The following PID1 variants were observed in gnomAD, a reference collection of about 807,000 sequenced individuals.
PID1 encodes the protein phosphotyrosine interaction domain containing 1, also known as PTB-containing, cubilin and LRP1-interacting protein.
Under a neutral mutation model 19.1 loss-of-function variants are expected in PID1, and 10 were observed. The ratio of observed to expected loss-of-function variants is 0.52; its 90% CI spans 0.32 to 0.89. The LOEUF is 0.89. Ranked by LOEUF, PID1 falls within the 40% of genes least tolerant of loss-of-function variation. The pLI is 0.03. For missense variants in PID1, 248 were observed against 285.3 expected, an observed-to-expected ratio of 0.87 and a Z score of 0.94; for synonymous variants, 130 against 116.0, an observed-to-expected ratio of 1.12 and a Z score of -0.78.
intron 1 of PID1, among the ~76,000 whole-genome samples, chr2:229,211,236 A>C (rs1315020232): frequency 6.6e-6 from 1 of 152,068 alleles, no homozygotes; most frequent in African/African-American, 2.4e-5. Context: ...ACTTGATTCA[A>C]AATTACAGTT....
At chr2:229,153,979 T>C (rs544672353) in intron 2 of PID1, among the ~76,000 whole-genome samples, 5 of 152,306 alleles carry the variant, frequency 3.3e-5, no homozygotes, top group African/African-American at 2.4e-5. Context: ...ATAACGAATT[T>C]GATCTCATAT....
At chr2:229,182,807 C>T (rs1196446777) in intron 1 of PID1, among the ~76,000 whole-genome samples, 1 of 152,156 alleles carries the variant, frequency 6.6e-6, no homozygotes, top group African/African-American at 2.4e-5. Context: ...TGGGGAAATC[C>T]ACATGACCAA....
At chr2:229,101,750 A>T (rs923366750) in intron 2 of PID1, among the ~76,000 whole-genome samples, 2 of 152,212 alleles carry the variant, frequency 1.3e-5, no homozygotes, top group Non-Finnish European at 2.9e-5. Context: ...TCAGATCACC[A>T]GCTTCAATTG....
intron 1 of PID1, among the ~76,000 whole-genome samples, chr2:229,241,529 A>C (rs1404590679): frequency 3.3e-5 from 5 of 152,172 alleles, no homozygotes; most frequent in Non-Finnish European, 7.4e-5. Flanking sequence ...AACAGAATGA[A>C]AAAGTATTCT....
chr2:229,077,896 A>T (rs950405807), intron 2 of PID1, among the ~76,000 whole-genome samples: 2 of 152,188 alleles, frequency 1.3e-5, no homozygotes, highest in African/African-American at 4.8e-5. Flanking sequence ...GTGAAATTTA[A>T]AATAGTTTTT....
chr2:229,087,118 C>A (rs537753085), intron 2 of PID1, among the ~76,000 whole-genome samples: 1 of 152,276 alleles, frequency 6.6e-6, no homozygotes, highest in Admixed American at 6.5e-5. Flanking sequence ...TGATCAAATT[C>A]ACTGGGTAAC....
At chr2:229,223,280 CTCA>C (rs1430395897) in intron 1 of PID1, among the ~76,000 whole-genome samples, 4 of 152,166 alleles carry the variant, frequency 2.6e-5, no homozygotes, top group Non-Finnish European at 4.4e-5. Flanking sequence ...AAAATGCTAT[CTCA>C]TCATTATTTT....
chr2:229,120,490 G>C (rs1037985591), intron 2 of PID1, among the ~76,000 whole-genome samples: 1 of 151,948 alleles, frequency 6.6e-6, no homozygotes, highest in Non-Finnish European at 1.5e-5. Flanking sequence ...GGAAGAAGAG[G>C]AGGGGTTGGT....
chr2:229,145,325 A>G (rs919846996), intron 2 of PID1, among the ~76,000 whole-genome samples: 2 of 151,684 alleles, frequency 1.3e-5, no homozygotes, highest in Non-Finnish European at 2.9e-5. Context: ...GGAAACCATA[A>G]GGCACATTAT....
rs1268543294 is a variant in PID1, at chr2:229,139,091, GAA to G, written c.177+16725_177+16726del. On this transcript the variant is annotated intron_variant, in intron 2 of 2. Transcript: ENST00000392055. ...AGAAAGAAAGAAAGAAAGAAAGAAA[GAA>G]AGAAAGAAAGAAAGAAAGAAAGAGA... Among the ~76,000 whole-genome samples, 21 of 71,104 alleles carry G rather than the reference GAA, an allele frequency of 3.0e-4. 1 individual carries two copies. Among genetic ancestry groups the G allele is most frequent in the African/African-American group, 1.3e-3 (19 of 14,644 alleles). 46.6% of individuals were successfully genotyped at this position (71,104 alleles called of 152,430 possible). A position where few individuals can be genotyped will look rare whatever the true frequency, so the allele number is the denominator to read the frequency against.
chr2:229,050,085 A>T (rs1693963316), intron 2 of PID1, among the ~76,000 whole-genome samples: 1 of 152,198 alleles, frequency 6.6e-6, no homozygotes, highest in Non-Finnish European at 1.5e-5. Flanking sequence ...TTGTCTGTAG[A>T]ACTTTTCCTA....
intron 2 of PID1, among the ~76,000 whole-genome samples, chr2:229,096,086 T>C (rs1332701321): frequency 6.6e-6 from 1 of 152,198 alleles, no homozygotes; most frequent in Non-Finnish European, 1.5e-5. Context: ...GCAAAGTCTG[T>C]AATTTTGTCT....
At chr2:229,097,224 G>T (rs1205369496) in intron 2 of PID1, among the ~76,000 whole-genome samples, 1 of 152,192 alleles carries the variant, frequency 6.6e-6, no homozygotes, top group Non-Finnish European at 1.5e-5. Flanking sequence ...AGTCACACTT[G>T]TTGGGAGAGC....
At chr2:229,149,331 G>A (rs548479469) in intron 2 of PID1, among the ~76,000 whole-genome samples, 13 of 152,084 alleles carry the variant, frequency 8.5e-5, no homozygotes, top group South Asian at 8.3e-4. Flanking sequence ...ATTGATCAAC[G>A]GAACCCAAAG....
At chr2:229,246,032 AAG>A (rs1231713281) in intron 1 of PID1, among the ~76,000 whole-genome samples, 1 of 152,196 alleles carries the variant, frequency 6.6e-6, no homozygotes, top group African/African-American at 2.4e-5. Flanking sequence ...CTGAACAAAT[AAG>A]AGTTATTTCT....
chr2:229,140,827 T>C (rs894745637), intron 2 of PID1, among the ~76,000 whole-genome samples: 2 of 152,144 alleles, frequency 1.3e-5, no homozygotes, highest in African/African-American at 4.8e-5. Flanking sequence ...ATTTAATAAT[T>C]AGTAACTATT....
At position 229,030,579 on chromosome 2, in the gene PID1, G is replaced by A. The variant is rs1389850191; in HGVS notation, c.178-4471C>T. 3.0e-5 allele frequency among the ~76,000 whole-genome samples: 3 copies of A among 99,600 alleles called. No homozygotes were observed. The East Asian group carries it at 8.4e-4, about 28-fold the overall frequency. The allele number at this position is 99,600 out of a possible 152,430, so 65.3% of individuals were successfully genotyped here. A position where few individuals can be genotyped will look rare whatever the true frequency, so the allele number is the denominator to read the frequency against. The stretch of plus-strand genomic sequence containing the variant: ...AGAAAAAATCCTGATTTGCTCTAAA[G>A]GCACACTTTCTCTCTCTCTGATATT... On this transcript the variant is annotated intron_variant, in intron 2 of 2. Transcript: ENST00000392055.
At chr2:229,133,015 G>T (rs1439372462) in intron 2 of PID1, among the ~76,000 whole-genome samples, 2 of 152,120 alleles carry the variant, frequency 1.3e-5, no homozygotes, top group African/African-American at 4.8e-5. Context: ...AGGAAATGGT[G>T]CATTTCATGC....
chr2:229,125,927 C>T (rs1695613702), intron 2 of PID1, among the ~76,000 whole-genome samples: 1 of 152,130 alleles, frequency 6.6e-6, no homozygotes, highest in African/African-American at 2.4e-5. Flanking sequence ...AAAGTTCCTG[C>T]TTAGGTTCTG....
Sources: allele counts gnomAD v4.1 joint callset (sites outside exome capture counted in the v4.1 genomes callset), GRCh38; gene constraint gnomAD v4.1.1; transcripts MANE v1.5; gene names NCBI Gene and HGNC (gene_info 2026-07-23, HGNC 2026-07-21).